The following ARHGAP42 variants were observed in gnomAD, a reference collection of about 807,000 sequenced individuals.
The protein encoded by ARHGAP42 is rho GTPase-activating protein 42.
In ARHGAP42, 63 loss-of-function variants were observed where a neutral mutation model predicts 125.0. The observed-to-expected ratio is 0.50, with a 90% CI of 0.41 to 0.62. The LOEUF (loss-of-function observed/expected upper bound fraction) is 0.62. ARHGAP42 is among the 20% of genes least tolerant of loss of function. The probability of loss-of-function intolerance (pLI) is 0.00; values close to 1 mark genes in which losing one functional copy is unlikely to be tolerated. For synonymous variants in ARHGAP42, 339 were observed against 351.0 expected, an observed-to-expected ratio of 0.97 and a Z score of 0.38; for missense variants, 766 against 1,024.2, an observed-to-expected ratio of 0.75 and a Z score of 3.44.
intron 2 of ARHGAP42, among the ~76,000 whole-genome samples, chr11:100,792,196 C>T (rs1318269295): frequency 6.6e-6 from 1 of 152,074 alleles, no homozygotes; most frequent in African/African-American, 2.4e-5. Flanking sequence ...TCATTTATTC[C>T]AAAATAGCTG....
At chr11:100,816,751 AAGC>A (rs1447143591) in intron 3 of ARHGAP42, 1 of 152,192 alleles carries the variant, frequency 6.6e-6, no homozygotes, top group African/African-American at 2.4e-5. Flanking sequence ...AGCCCCCAAA[AAGC>A]AGGCGATAAA....
chr11:100,893,957 A>G (rs954055221), intron 4 of ARHGAP42, among the ~76,000 whole-genome samples: 5 of 152,200 alleles, frequency 3.3e-5, no homozygotes, highest in Non-Finnish European at 7.3e-5. Context: ...CTTGAGAAAT[A>G]ATGAATCACC....
intron 10 of ARHGAP42, 22 bp downstream of exon 10, chr11:100,943,890 T>G (rs1157804910): frequency 3.0e-5 from 44 of 1,445,978 alleles, no homozygotes; most frequent in Non-Finnish European, 4.1e-5. Flanking sequence ...TCTTTTCACT[T>G]TATTTTTTTC....
chr11:100,837,373 G>A (rs1591224088), intron 3 of ARHGAP42, among the ~76,000 whole-genome samples: 1 of 151,774 alleles, frequency 6.6e-6, no homozygotes, highest in East Asian at 1.9e-4. Context: ...CTTGGCTTTG[G>A]ACATCAAAAT....
chr11:100,982,043 A>G (rs768539208), intron 22 of ARHGAP42, among the ~76,000 whole-genome samples: 1 of 152,186 alleles, frequency 6.6e-6, no homozygotes, highest in African/African-American at 2.4e-5. Flanking sequence ...CTACATAGCA[A>G]TTACTCTGTA....
chr11:100,773,943 A>C (rs1027397823), intron 2 of ARHGAP42, among the ~76,000 whole-genome samples: 3 of 152,102 alleles, frequency 2.0e-5, no homozygotes, highest in Non-Finnish European at 4.4e-5. Flanking sequence ...ACTTATTTAA[A>C]CCCTTTGCAC....
chr11:100,884,444 A>T (rs911549646), intron 4 of ARHGAP42, among the ~76,000 whole-genome samples: 1 of 152,122 alleles, frequency 6.6e-6, no homozygotes, highest in African/African-American at 2.4e-5. Flanking sequence ...GGGGGCGAAC[A>T]CTTAGTAACT....
chr11:100,930,279 G>A (rs1867539805), intron 6 of ARHGAP42, among the ~76,000 whole-genome samples: 1 of 152,108 alleles, frequency 6.6e-6, no homozygotes, highest in Admixed American at 6.6e-5. Flanking sequence ...AGGCTGTCCT[G>A]TTCAGTTCCT....
At chr11:100,942,678 G>A (rs1048326325) in intron 9 of ARHGAP42, among the ~76,000 whole-genome samples, 4 of 152,196 alleles carry the variant, frequency 2.6e-5, no homozygotes, top group African/African-American at 9.6e-5. Flanking sequence ...TCATGGCAGA[G>A]GTAAATGTTG....
chr11:100,852,077 C>A (rs1429943524), intron 3 of ARHGAP42, among the ~76,000 whole-genome samples: 2 of 152,130 alleles, frequency 1.3e-5, no homozygotes, highest in South Asian at 2.1e-4. Context: ...TTAGATCATT[C>A]TCTGCTTTAT....
chr11:100,746,471 C>T (rs183408470), intron 1 of ARHGAP42, among the ~76,000 whole-genome samples: 84 of 152,382 alleles, frequency 5.5e-4, no homozygotes, highest in African/African-American at 1.8e-3. Context: ...TCCGGCCCAC[C>T]GTGCACACAA....
At chr11:100,898,018 A>G (rs921648712) in intron 4 of ARHGAP42, among the ~76,000 whole-genome samples, 4 of 152,308 alleles carry the variant, frequency 2.6e-5, no homozygotes, top group African/African-American at 9.6e-5. Context: ...ACATCCCATC[A>G]ATACCTAGTT....
intron 4 of ARHGAP42, among the ~76,000 whole-genome samples, chr11:100,894,031 CCTTTG>C: frequency 6.6e-6 from 1 of 152,184 alleles, no homozygotes; most frequent in Admixed American, 6.5e-5. Context: ...TCTTTGCAAT[CCTTTG>C]CAAATATAAG....
rs963410406 is a variant in ARHGAP42 at position 100,911,386 on chromosome 11, A to T, written c.385-2066A>T. Among the ~76,000 whole-genome samples the T allele has an allele frequency of 6.6e-5, 10 of 152,208 alleles. No individual in the cohort carries two copies. In the East Asian group the frequency reaches 1.7e-3, roughly 26 times the overall value. ...AGAACATGAACCCTAGTAGAGACCC[A>T]TATATATAACTATATGAGCATTCAA... is the stretch of plus-strand genomic sequence containing the variant. On this transcript the variant is annotated intron_variant, in intron 4 of 23. Transcript: ENST00000298815.
intron 4 of ARHGAP42, among the ~76,000 whole-genome samples, chr11:100,898,261 T>G (rs1189745625): frequency 1.3e-5 from 2 of 152,204 alleles, no homozygotes; most frequent in Non-Finnish European, 2.9e-5. Flanking sequence ...TATTGAGGAT[T>G]TTTACGTCGA....
intron 1 of ARHGAP42, among the ~76,000 whole-genome samples, chr11:100,737,574 A>G (rs1862093141): frequency 6.6e-6 from 1 of 152,162 alleles, no homozygotes; most frequent in East Asian, 1.9e-4. Flanking sequence ...CCACCTTTCA[A>G]CGTTCGCAGG....
intron 1 of ARHGAP42, among the ~76,000 whole-genome samples, chr11:100,729,748 C>T (rs1318749483): frequency 2.0e-5 from 3 of 151,614 alleles, no homozygotes; most frequent in Non-Finnish European, 4.4e-5. Context: ...TTCCGGATGA[C>T]TAGTATGAAT....
chr11:100,755,706 T>TA (rs1218693254), intron 1 of ARHGAP42, among the ~76,000 whole-genome samples: 2 of 152,196 alleles, frequency 1.3e-5, no homozygotes, highest in African/African-American at 4.8e-5. Flanking sequence ...AAGTTGAAGA[T>TA]ATCAGGTTGA....
intron 4 of ARHGAP42, among the ~76,000 whole-genome samples, chr11:100,909,687 G>T (rs1028805951): frequency 1.3e-5 from 2 of 152,080 alleles, no homozygotes; most frequent in Non-Finnish European, 2.9e-5. Context: ...AACCCATCTT[G>T]AGTTAATTTT....
Sources: allele counts gnomAD v4.1 joint callset (sites outside exome capture counted in the v4.1 genomes callset), GRCh38; gene constraint gnomAD v4.1.1; transcripts MANE v1.5; gene names NCBI Gene and HGNC (gene_info 2026-07-23, HGNC 2026-07-21).